SKAP1: variants seen among roughly 807,000 people sequenced by gnomAD.
SKAP1 encodes the protein src kinase associated phosphoprotein 1.
Under a neutral mutation model 58.5 loss-of-function variants are expected in SKAP1, and 44 were observed. The observed-to-expected ratio is 0.75, with a 90% CI of 0.59 to 0.97. The LOEUF (loss-of-function observed/expected upper bound fraction) is 0.97. Among genes scored for constraint, SKAP1 ranks in the 50% least tolerant of loss-of-function variants. The pLI is 0.00. For synonymous variants in SKAP1, 127 were observed against 149.7 expected, an observed-to-expected ratio of 0.85 and a Z score of 1.11; for missense variants, 390 against 435.2, an observed-to-expected ratio of 0.90 and a Z score of 0.92.
intron 4 of SKAP1, among the ~76,000 whole-genome samples, chr17:48,193,016 G>C (rs537817720): frequency 2.0e-5 from 3 of 152,262 alleles, no homozygotes; most frequent in Non-Finnish European, 2.9e-5. Context: ...TTTGTGTATA[G>C]TCAGTAAGAT....
chr17:48,306,050 T>C (rs1244146136), intron 4 of SKAP1, among the ~76,000 whole-genome samples: 1 of 152,222 alleles, frequency 6.6e-6, no homozygotes, highest in African/African-American at 2.4e-5. Flanking sequence ...ATAAAGCTTC[T>C]AGAAGTTAAA....
chr17:48,289,401 T>A (rs2065873682), intron 4 of SKAP1, among the ~76,000 whole-genome samples: 1 of 152,104 alleles, frequency 6.6e-6, no homozygotes, highest in African/African-American at 2.4e-5. Flanking sequence ...CTGATCAAAT[T>A]TTGCACTGTA....
At chr17:48,201,280 C>T (rs1311100551) in intron 4 of SKAP1, among the ~76,000 whole-genome samples, 5 of 151,016 alleles carry the variant, frequency 3.3e-5, no homozygotes, top group Non-Finnish European at 1.5e-5. Flanking sequence ...TTCCTTCCTT[C>T]CTTCTTTCCT....
At chr17:48,300,890 GTATCTTCATTC>G (rs1172491595) in intron 4 of SKAP1, among the ~76,000 whole-genome samples, 1 of 151,932 alleles carries the variant, frequency 6.6e-6, no homozygotes, top group Non-Finnish European at 1.5e-5. Flanking sequence ...AAATATCTCC[GTATCTTCATTC>G]TCTTCTATCC....
intron 4 of SKAP1, among the ~76,000 whole-genome samples, chr17:48,248,484 G>A (rs67230974): frequency 0.038 from 5,761 of 152,172 alleles, 126 homozygotes; most frequent in South Asian, 0.054. Context: ...GAAGAATCGC[G>A]CGAACCCAGG....
chr17:48,299,420 T>A (rs1424644133), intron 4 of SKAP1, among the ~76,000 whole-genome samples: 4 of 152,188 alleles, frequency 2.6e-5, no homozygotes, highest in Admixed American at 1.3e-4. Flanking sequence ...ATTTCTGATG[T>A]CTAAGGGAGG....
At chr17:48,226,292 A>T (rs1327501984) in intron 4 of SKAP1, among the ~76,000 whole-genome samples, 6 of 152,158 alleles carry the variant, frequency 3.9e-5, no homozygotes, top group African/African-American at 1.4e-4. Flanking sequence ...GAAGGGAGTT[A>T]TGTATAAAGC....
chr17:48,234,985 G>A (rs1265501327), intron 4 of SKAP1, among the ~76,000 whole-genome samples: 1 of 152,190 alleles, frequency 6.6e-6, no homozygotes, highest in Non-Finnish European at 1.5e-5. Flanking sequence ...TGAAGATAAA[G>A]CAAGGCAAGA....
At chr17:48,439,447 T>A in the SKAP1 span, among the ~76,000 whole-genome samples, 1 of 152,234 alleles carries the variant, frequency 6.6e-6, no homozygotes, top group Non-Finnish European at 1.5e-5. Context: ...TTATCTACAC[T>A]TCATTCAATG....
At chr17:48,411,139 C>T (rs2067659921) in intron 1 of SKAP1, among the ~76,000 whole-genome samples, 1 of 151,654 alleles carries the variant, frequency 6.6e-6, no homozygotes, top group Non-Finnish European at 1.5e-5. Context: ...GTGGCTTGTG[C>T]CTGTAATCCC....
At chr17:48,270,643 AT>A (rs1221491677) in intron 4 of SKAP1, among the ~76,000 whole-genome samples, 1 of 151,830 alleles carries the variant, frequency 6.6e-6, no homozygotes, top group Non-Finnish European at 1.5e-5. Context: ...GCCTGGCCCT[AT>A]TTTTTATTTT....
intron 11 of SKAP1, 74 bp downstream of exon 11, chr17:48,162,395 A>C (rs779344644): frequency 2.9e-5 from 27 of 942,758 alleles, no homozygotes; most frequent in Non-Finnish European, 4.1e-5. Context: ...ACATGGAATA[A>C]TTCTGTTTAT....
chr17:48,194,456 C>T (rs1167347019), intron 4 of SKAP1, among the ~76,000 whole-genome samples: 4 of 152,062 alleles, frequency 2.6e-5, no homozygotes, highest in African/African-American at 7.2e-5. Flanking sequence ...AAAAAAGACA[C>T]GAGAGCTTAT....
At chr17:48,348,501 TACAGAGTTCCTACA>T (rs1213286927) in intron 3 of SKAP1, among the ~76,000 whole-genome samples, 1 of 152,234 alleles carries the variant, frequency 6.6e-6, no homozygotes, top group East Asian at 1.9e-4. Context: ...GCAAAGATAG[TACAGAGTTCCTACA>T]TACCCTTCAC....
intron 4 of SKAP1, among the ~76,000 whole-genome samples, chr17:48,233,199 C>T (rs1260922816): frequency 1.3e-5 from 2 of 152,162 alleles, no homozygotes; most frequent in Non-Finnish European, 2.9e-5. Context: ...ATGGGTACCA[C>T]AATCTGGGGA....
At chr17:48,420,125 G>T (rs2067777060) in intron 1 of SKAP1, among the ~76,000 whole-genome samples, 1 of 152,128 alleles carries the variant, frequency 6.6e-6, no homozygotes, top group Non-Finnish European at 1.5e-5. Context: ...AAACAAATAT[G>T]AATAAATGTA....
intron 4 of SKAP1, among the ~76,000 whole-genome samples, chr17:48,200,331 C>T (rs940093400): frequency 4.6e-5 from 7 of 151,890 alleles, no homozygotes; most frequent in African/African-American, 9.7e-5. Flanking sequence ...GGAACTGGAA[C>T]ATGTGAATAG....
chr17:48,173,172 C>T (rs957401946), intron 9 of SKAP1, among the ~76,000 whole-genome samples: 9 of 138,754 alleles, frequency 6.5e-5, no homozygotes, highest in African/African-American at 2.1e-4. Flanking sequence ...GGCAACAGAG[C>T]GAGACCTTGT....
intron 11 of SKAP1, among the ~76,000 whole-genome samples, chr17:48,160,679 G>C (rs2064056653): frequency 6.6e-6 from 1 of 152,128 alleles, no homozygotes; most frequent in Admixed American, 6.5e-5. Context: ...AATCATGACA[G>C]AGAGAAGGCC....
Sources: gnomAD v4.1 joint callset for allele counts (sites outside exome capture counted in the v4.1 genomes callset) on GRCh38, gnomAD v4.1.1 for gene constraint, MANE v1.5 for transcripts, NCBI Gene and HGNC (gene_info 2026-07-23, HGNC 2026-07-21) for gene names.